The following MAP4K5 variants were observed in gnomAD, a reference collection of about 807,000 sequenced individuals.
MAP4K5 encodes MAPK/ERK kinase kinase kinase 5.
In MAP4K5, 82 loss-of-function variants were observed where a neutral mutation model predicts 135.6. The observed-to-expected ratio is 0.60, with a 90% CI of 0.51 to 0.73. The LOEUF is 0.73. MAP4K5 is among the 30% of genes least tolerant of loss of function. The pLI, the probability that MAP4K5 is intolerant of heterozygous loss-of-function variation, is 0.00. For synonymous variants in MAP4K5, 347 were observed against 335.0 expected (o/e 1.04, Z -0.39); for missense variants, 907 against 1,010.9 (o/e 0.90, Z 1.39).
intron 3 of MAP4K5, among the ~76,000 whole-genome samples, chr14:50,498,833 T>G (rs1279374579): frequency 6.6e-6 from 1 of 152,224 alleles, no homozygotes; most frequent in African/African-American, 2.4e-5. Context: ...CTAAATACAA[T>G]TTTAAACCAG....
At chr14:50,429,105 G>A (rs1489296878) in intron 29 of MAP4K5, 87 bp downstream of exon 29, 1 of 790,570 alleles carries the variant, frequency 1.3e-6, no homozygotes, top group East Asian at 2.9e-5. Flanking sequence ...AGTAAAAACA[G>A]TAAAAATCTT....
intron 6 of MAP4K5, 83 bp downstream of exon 6, chr14:50,482,278 T>C: frequency 1.4e-6 from 1 of 714,280 alleles, no homozygotes; most frequent in Non-Finnish European, 2.2e-6. Flanking sequence ...TAGTTATCAA[T>C]TGTCAGGCAA....
At chr14:50,479,743 G>A (rs1317936929) in intron 6 of MAP4K5, among the ~76,000 whole-genome samples, 1 of 152,146 alleles carries the variant, frequency 6.6e-6, no homozygotes, top group Non-Finnish European at 1.5e-5. Context: ...CCAACATTGT[G>A]AATTTTACTT....
At chr14:50,444,992 C>T (rs1196789389) in intron 18 of MAP4K5, 49 bp downstream of exon 18, 4 of 1,544,798 alleles carry the variant, frequency 2.6e-6, no homozygotes, top group East Asian at 2.3e-5. Flanking sequence ...ACCCAGATAA[C>T]AATATCTAGC....
chr14:50,495,351 A>G (rs2037569976), intron 3 of MAP4K5, among the ~76,000 whole-genome samples: 1 of 152,230 alleles, frequency 6.6e-6, no homozygotes, highest in Non-Finnish European at 1.5e-5. Flanking sequence ...GAGAAACTCA[A>G]ATAAAACCAC....
intron 30 of MAP4K5, among the ~76,000 whole-genome samples, chr14:50,426,542 T>A (rs1056955378): frequency 1.3e-5 from 2 of 152,108 alleles, no homozygotes; most frequent in African/African-American, 2.4e-5. Context: ...CTGACCAGTA[T>A]GGTGAAACCC....
Position 50,419,955 on chromosome 14 carries a change from T to A in MAP4K5, c.*64A>T, listed in dbSNP as rs1330770221. On this transcript the variant is annotated 3_prime_UTR_variant, in exon 33 of 33. Coordinates refer to ENST00000682126, the MANE Select transcript of MAP4K5 (RefSeq NM_006575.6). ...ATCATAGTGCAGTTTGTATTGAATT[T>A]CCTTATTTTTCCTTTCAATGGAGTA... The A allele has an allele frequency of 1.9e-5, 21 of 1,115,618 alleles. No individual in the cohort carries two copies. The highest frequency in any genetic ancestry group is 2.5e-5 in the Non-Finnish European group (19 of 747,066). 69.1% of individuals were successfully genotyped at this position (1,115,618 alleles called of 1,614,324 possible).
chr14:50,550,191 G>A lies in MAP4K5; in HGVS notation c.-179-7607C>T, dbSNP rs2038684318. On this transcript the variant is annotated intron_variant, in intron 1 of 8. Coordinates refer to the MAP4K5 transcript ENST00000555216. The stretch of plus-strand genomic sequence containing the variant: ...TCATAGTGCAGATTGCATAGGCAAG[G>A]CTGGAAGCTTACCAATTGGCTACTA... Among the ~76,000 whole-genome samples, 2 of 152,240 alleles carry A rather than the reference G, an allele frequency of 1.3e-5. 1 individual carries two copies. Among genetic ancestry groups the A allele is most frequent in the South Asian group, 4.1e-4 (2 of 4,830 alleles).
intron 2 of MAP4K5, chr14:50,505,232 CT>C (rs1376063589): frequency 1.7e-5 from 3 of 173,252 alleles, no homozygotes; most frequent in African/African-American, 7.2e-5. Flanking sequence ...CTGTATCTAA[CT>C]ACCTAGAGAA....
intron 3 of MAP4K5, among the ~76,000 whole-genome samples, chr14:50,496,667 C>T (rs2037600707): frequency 6.6e-6 from 1 of 151,740 alleles, no homozygotes; most frequent in African/African-American, 2.4e-5. Context: ...GGCTGCCGTG[C>T]TCTGCTAATT....
intron 2 of MAP4K5, 157 bp from the exon 3 acceptor site, chr14:50,505,014 T>C: frequency 3.9e-6 from 2 of 508,836 alleles, no homozygotes; most frequent in South Asian, 6.6e-5. Flanking sequence ...CATTTTCCCA[T>C]TAAAGAAAAA....
At chr14:50,439,312 AT>A (rs2036170634) in intron 23 of MAP4K5, among the ~76,000 whole-genome samples, 1 of 144,892 alleles carries the variant, frequency 6.9e-6, no homozygotes, top group Non-Finnish European at 1.5e-5. Context: ...ATAAGAAAAT[AT>A]TTTTTTCATA....
At chr14:50,473,432 C>T (rs2037013721) in intron 9 of MAP4K5, among the ~76,000 whole-genome samples, 1 of 151,964 alleles carries the variant, frequency 6.6e-6, no homozygotes, top group South Asian at 2.1e-4. Context: ...TGTTACGATA[C>T]TTAATATGTA....
chr14:50,524,958 G>A (rs766120603), intron 2 of MAP4K5, among the ~76,000 whole-genome samples: 2 of 152,090 alleles, frequency 1.3e-5, no homozygotes, highest in African/African-American at 4.8e-5. Flanking sequence ...GAAACTTTTC[G>A]TTCCTATGAA....
chr14:50,429,775 T>C (rs1412575767), intron 28 of MAP4K5, among the ~76,000 whole-genome samples: 6 of 152,170 alleles, frequency 3.9e-5, no homozygotes. Context: ...GGAGTTCTTT[T>C]ACAAAGAGGA....
At chr14:50,477,493 A>T (rs1267620102) in intron 6 of MAP4K5, among the ~76,000 whole-genome samples, 2 of 152,006 alleles carry the variant, frequency 1.3e-5, no homozygotes, top group Non-Finnish European at 2.9e-5. Context: ...ACTGGCTGAA[A>T]CCTCTAGGAC....
At chr14:50,423,445 A>G (rs2035777328) in intron 31 of MAP4K5, among the ~76,000 whole-genome samples, 1 of 151,688 alleles carries the variant, frequency 6.6e-6, no homozygotes, top group Non-Finnish European at 1.5e-5. Context: ...AGAAGAAACT[A>G]AGACTCCAAG....
At chr14:50,560,188 A>G (rs752308978) in intron 1 of MAP4K5, 18 of 1,578,746 alleles carry the variant, frequency 1.1e-5, no homozygotes, top group Middle Eastern at 1.7e-4. Context: ...GGAGCCTCCC[A>G]CCGCCAGCAA....
intron 2 of MAP4K5, among the ~76,000 whole-genome samples, chr14:50,521,158 C>T (rs1033354306): frequency 3.9e-5 from 6 of 152,136 alleles, no homozygotes; most frequent in Non-Finnish European, 7.4e-5. Context: ...CAAGCCTGGG[C>T]TCTGAATGGA....
Sources: allele counts gnomAD v4.1 joint callset (sites outside exome capture counted in the v4.1 genomes callset), GRCh38; gene constraint gnomAD v4.1.1; transcripts MANE v1.5; gene names NCBI Gene and HGNC (gene_info 2026-07-23, HGNC 2026-07-21).